Variants in KIFAP3 observed in about 807,000 individuals in gnomAD.
The protein encoded by KIFAP3 is kinesin-associated protein 3.
Under a neutral mutation model 106.5 loss-of-function variants are expected in KIFAP3, and 68 were observed. The observed-to-expected ratio is 0.64, with a 90% confidence interval of 0.53 to 0.78. The LOEUF is 0.78. Ranked by LOEUF, KIFAP3 falls within the 30% of genes least tolerant of loss-of-function variation. KIFAP3 has a pLI of 0.00. For missense variants in KIFAP3, 780 were observed against 941.8 expected (o/e 0.83, Z 2.25); for synonymous variants, 320 against 311.5 (o/e 1.03, Z -0.29).
chr1:170,018,475 C>A (rs1668633152), intron 9 of KIFAP3, among the ~76,000 whole-genome samples: 1 of 151,718 alleles, frequency 6.6e-6, no homozygotes, highest in African/African-American at 2.4e-5. Flanking sequence ...AAAAACATCT[C>A]ACGTCTTTTA....
upstream of KIFAP3, among the ~76,000 whole-genome samples, chr1:170,077,719 C>T (rs759070031): frequency 2.8e-4 from 42 of 152,246 alleles, no homozygotes; most frequent in Non-Finnish European, 5.3e-4. Context: ...CGCCTTATCC[C>T]CACAACCCCA....
intron 7 of KIFAP3, among the ~76,000 whole-genome samples, chr1:170,033,253 T>A (rs1376951167): frequency 6.6e-6 from 1 of 151,742 alleles, no homozygotes; most frequent in Non-Finnish European, 1.5e-5. Flanking sequence ...TGGAGTTCCA[T>A]GTGACAACAG....
In KIFAP3 at chr1:170,031,833, A is replaced by C. The variant is rs1028198156; in HGVS notation, c.841+53T>G. The C allele has an allele frequency of 3.6e-6, 4 of 1,110,276 alleles. No individual in the cohort carries two copies. The African/African-American group carries it at 6.2e-5, about 17-fold the overall frequency. The allele number at this position is 1,110,276 out of a possible 1,614,324, so 68.8% of individuals were successfully genotyped here. A position where few individuals can be genotyped will look rare whatever the true frequency, so the allele number is the denominator to read the frequency against. On this transcript the variant is annotated intron_variant, in intron 8 of 19. Coordinates refer to ENST00000361580, the MANE Select transcript of KIFAP3 (RefSeq NM_014970.4). Reference sequence around the variant, plus strand: ...GTATGATAAAAAGTGAACAAAACAAATGTATTTGGAGTAAGTACTTTGTTG... The same window carrying C: ...GTATGATAAAAAGTGAACAAAACAACTGTATTTGGAGTAAGTACTTTGTTG...
intron 2 of KIFAP3, among the ~76,000 whole-genome samples, chr1:170,050,293 A>G (rs375886015): frequency 2.6e-5 from 4 of 152,182 alleles, no homozygotes; most frequent in Non-Finnish European, 5.9e-5. Flanking sequence ...AGATTAGAGA[A>G]AAAAGAATGA....
intron 10 of KIFAP3, among the ~76,000 whole-genome samples, chr1:169,995,315 T>C (rs1047912545): frequency 6.6e-6 from 1 of 152,094 alleles, no homozygotes; most frequent in Non-Finnish European, 1.5e-5. Flanking sequence ...TGACTGTATT[T>C]TACATTATTT....
At chr1:169,996,156 C>T (rs1340734367) in intron 10 of KIFAP3, among the ~76,000 whole-genome samples, 1 of 152,052 alleles carries the variant, frequency 6.6e-6, no homozygotes, top group African/African-American at 2.4e-5. Flanking sequence ...CTCTTATGTA[C>T]TTTCTCATTT....
intron 5 of KIFAP3, among the ~76,000 whole-genome samples, chr1:170,036,421 T>C (rs1669696426): frequency 6.6e-6 from 1 of 152,130 alleles, no homozygotes; most frequent in Non-Finnish European, 1.5e-5. Flanking sequence ...GTATTAGTTA[T>C]GAATCCACGT....
intron 16 of KIFAP3, among the ~76,000 whole-genome samples, chr1:169,977,281 A>G (rs1666271110): frequency 2.6e-5 from 4 of 152,188 alleles, no homozygotes; most frequent in Admixed American, 2.0e-4. Context: ...CAATGAATAC[A>G]GATGGCAGGA....
Position 170,020,050 on chromosome 1 carries a change from A to G in KIFAP3, c.1021-3426T>C, listed in dbSNP as rs115072288. Among the ~76,000 whole-genome samples the G allele has an allele frequency of 7.1e-3, 1,087 of 152,300 alleles. 18 individuals carry two copies. Among genetic ancestry groups the G allele is most frequent in the African/African-American group, 0.024 (996 of 41,568 alleles). ...ATATAATATCAACCAAAACCAGGAAACTGGTAATTTTTTAAACTGCCACTT... is the reference window on the plus strand; with the variant it reads ...ATATAATATCAACCAAAACCAGGAAGCTGGTAATTTTTTAAACTGCCACTT... On this transcript the variant is annotated intron_variant, in intron 9 of 19. Coordinates refer to ENST00000361580, the MANE Select transcript of KIFAP3 (RefSeq NM_014970.4).
At chr1:170,017,578 G>A (rs763934719) in intron 9 of KIFAP3, among the ~76,000 whole-genome samples, 10 of 152,162 alleles carry the variant, frequency 6.6e-5, no homozygotes. Flanking sequence ...ACTGGCAGAA[G>A]GCTATAAGAC....
intron 17 of KIFAP3, among the ~76,000 whole-genome samples, chr1:169,970,815 T>C (rs1361529934): frequency 2.6e-5 from 4 of 151,980 alleles, no homozygotes; most frequent in Non-Finnish European, 4.4e-5. Flanking sequence ...ACCATTTCAA[T>C]GCAGCAATGG....
chr1:170,034,388 T>C lies in KIFAP3; in HGVS notation c.726A>G (p.Ser242=). 6.2e-7 allele frequency: 1 copy of C among 1,605,998 alleles called. No homozygotes were observed. Among genetic ancestry groups the C allele is most frequent in the Non-Finnish European group, 8.5e-7 (1 of 1,176,582 alleles). The change falls in exon 7 of 20, where the codon TCA becomes TCG. Residue 242 remains serine, a synonymous_variant. Transcript: ENST00000361580. ...KRHELWQEEL[S]KKKKAVDEDP... ...AAAGGATATCAGCTTTCTTCTTCTTTGAGAGTTCTTCTTGCCAAAGCTCAT... is the reference window on the plus strand; with the variant it reads ...AAAGGATATCAGCTTTCTTCTTCTTCGAGAGTTCTTCTTGCCAAAGCTCAT...
chr1:169,984,277 T>G (rs953820326), intron 12 of KIFAP3, among the ~76,000 whole-genome samples: 2 of 151,814 alleles, frequency 1.3e-5, no homozygotes, highest in African/African-American at 4.8e-5. Flanking sequence ...TGTATTTTAT[T>G]ACCTTATATT....
chr1:170,055,815 A>AGTTGGTTTT, intron 1 of KIFAP3, among the ~76,000 whole-genome samples: 1 of 152,182 alleles, frequency 6.6e-6, no homozygotes, highest in Non-Finnish European at 1.5e-5. Context: ...AACCAAAGGC[A>AGTTGGTTTT]ACTGCCTTAA....
At chr1:169,994,124 T>C (rs566503693) in intron 10 of KIFAP3, among the ~76,000 whole-genome samples, 2 of 152,330 alleles carry the variant, frequency 1.3e-5, no homozygotes, top group South Asian at 4.1e-4. Flanking sequence ...AAACAGACTG[T>C]ATGGCATTGA....
At chr1:169,985,876 G>C (rs1666800585) in intron 11 of KIFAP3, among the ~76,000 whole-genome samples, 1 of 151,918 alleles carries the variant, frequency 6.6e-6, no homozygotes, top group African/African-American at 2.4e-5. Flanking sequence ...ATTTGTCATG[G>C]TGAGAAACAG....
chr1:169,979,853 T>TC (rs966851024), intron 15 of KIFAP3, among the ~76,000 whole-genome samples: 5 of 150,850 alleles, frequency 3.3e-5, no homozygotes, highest in Admixed American at 1.3e-4. Context: ...ATAATAGTCC[T>TC]CCCCCCCACA....
At chr1:169,951,356 T>C (rs891958851) in intron 19 of KIFAP3, among the ~76,000 whole-genome samples, 1 of 151,982 alleles carries the variant, frequency 6.6e-6, no homozygotes, top group Non-Finnish European at 1.5e-5. Flanking sequence ...TATAAAATTG[T>C]ATCATTCTTT....
In KIFAP3 at chr1:169,992,158, T is replaced by C; in HGVS notation, c.1281A>G (p.Pro427=). The C allele has an allele frequency of 6.8e-7, 1 of 1,464,178 alleles. No individual in the cohort carries two copies. Among genetic ancestry groups the C allele is most frequent in the East Asian group, 2.5e-5 (1 of 39,340 alleles). 90.7% of individuals were successfully genotyped at this position (1,464,178 alleles called of 1,614,324 possible). A position where few individuals can be genotyped will look rare whatever the true frequency, so the allele number is the denominator to read the frequency against. ...ATAAAACACTTAAACCACTTACCTG[T>C]GGTATACAGTCAGTGTATGCAAACA... ...KSMFAYTDCI[P]QLMKMLFECS... is the part of the protein sequence containing the mutation. Residue 427 remains proline, a synonymous_variant, in exon 11 of 20, where the codon CCA becomes CCG. Coordinates refer to ENST00000361580, the MANE Select transcript of KIFAP3 (RefSeq NM_014970.4).
Sources: gnomAD v4.1 joint callset for allele counts (sites outside exome capture counted in the v4.1 genomes callset) on GRCh38, gnomAD v4.1.1 for gene constraint, MANE v1.5 for transcripts, NCBI Gene and HGNC (gene_info 2026-07-23, HGNC 2026-07-21) for gene names.